The following DLGAP1 variants were observed in gnomAD, a reference collection of about 807,000 sequenced individuals.
DLGAP1 encodes the protein disks large-associated protein 1.
Under a neutral mutation model 90.8 loss-of-function variants are expected in DLGAP1, and 11 were observed. The ratio of observed to expected loss-of-function variants is 0.12; its 90% CI spans 0.08 to 0.20. The LOEUF is 0.20. DLGAP1 is among the 10% of genes least tolerant of loss of function. DLGAP1 has a pLI of 1.00. For missense variants in DLGAP1, 1,050 were observed against 1,333.8 expected (o/e 0.79, Z 3.31); for synonymous variants, 558 against 540.7 (o/e 1.03, Z -0.44).
At chr18:4,054,732 A>G (rs1319737296) in intron 2 of DLGAP1, among the ~76,000 whole-genome samples, 1 of 152,228 alleles carries the variant, frequency 6.6e-6, no homozygotes, top group African/African-American at 2.4e-5. Context: ...ATATTTGGTA[A>G]CATTTAAAGG....
intron 1 of DLGAP1, among the ~76,000 whole-genome samples, chr18:4,182,222 G>A (rs1258579543): frequency 6.6e-6 from 1 of 152,128 alleles, no homozygotes; most frequent in Non-Finnish European, 1.5e-5. Context: ...TGATTGGGCT[G>A]AAGGAATTAA....
At chr18:4,011,116 T>C (rs1025707941) in intron 2 of DLGAP1, among the ~76,000 whole-genome samples, 1 of 143,958 alleles carries the variant, frequency 6.9e-6, no homozygotes, top group African/African-American at 2.6e-5. Flanking sequence ...ATGGAGGTTG[T>C]AGTGAGCCGA....
chr18:4,186,513 C>G (rs528248196), intron 1 of DLGAP1, among the ~76,000 whole-genome samples: 1 of 152,144 alleles, frequency 6.6e-6, no homozygotes, highest in African/African-American at 2.4e-5. Flanking sequence ...GTTATCCCAA[C>G]GCCATTTGTT....
At chr18:3,951,195 C>A (rs995387674) in intron 3 of DLGAP1, among the ~76,000 whole-genome samples, 2 of 152,210 alleles carry the variant, frequency 1.3e-5, no homozygotes, top group African/African-American at 4.8e-5. Flanking sequence ...CTAACCAGAA[C>A]AAAATTAGCA....
At chr18:3,745,661 T>A (rs144343507) in intron 5 of DLGAP1, among the ~76,000 whole-genome samples, 1 of 152,324 alleles carries the variant, frequency 6.6e-6, no homozygotes, top group East Asian at 1.9e-4. Flanking sequence ...GAATGCCCTT[T>A]ATCTGATCTC....
chr18:4,425,433 G>A (rs2083131055), intron 1 of DLGAP1, among the ~76,000 whole-genome samples: 1 of 152,166 alleles, frequency 6.6e-6, no homozygotes, highest in Non-Finnish European at 1.5e-5. Flanking sequence ...GACTGGCGTA[G>A]TGGTACAGTC....
chr18:4,101,627 C>T (rs951173043), intron 2 of DLGAP1, among the ~76,000 whole-genome samples: 4 of 148,344 alleles, frequency 2.7e-5, no homozygotes, highest in Admixed American at 2.0e-4. Context: ...AAAAAAGTGA[C>T]GTGCAATAAA....
Position 4,265,653 on chromosome 18 carries a change from C to T in DLGAP1, c.-266-114366G>A, listed in dbSNP as rs2079108105. On this transcript the variant is annotated intron_variant, in intron 1 of 12. Transcript: ENST00000315677. The stretch of plus-strand genomic sequence containing the variant: ...TCCCTCCCTCCCCTTCCCTCCCTCC[C>T]TCCCTCCCTCCCTTCCTTCCTTCCT... 9.0e-5 allele frequency among the ~76,000 whole-genome samples: 5 copies of T among 55,422 alleles called. 1 individual carries two copies. The highest frequency in any genetic ancestry group is 1.5e-4 in the Non-Finnish European group (5 of 33,500). The allele number at this position is 55,422 out of a possible 152,430, so 36.4% of individuals were successfully genotyped here. A position where few individuals can be genotyped will look rare whatever the true frequency, so the allele number is the denominator to read the frequency against.
intron 7 of DLGAP1, among the ~76,000 whole-genome samples, chr18:3,648,076 A>G (rs893649900): frequency 6.6e-6 from 1 of 152,244 alleles, no homozygotes; most frequent in Non-Finnish European, 1.5e-5. Flanking sequence ...GAAACACTGT[A>G]CTCAGCAGAA....
intron 7 of DLGAP1, among the ~76,000 whole-genome samples, chr18:3,662,248 A>T (rs1444068870): frequency 6.6e-6 from 1 of 152,158 alleles, no homozygotes; most frequent in Non-Finnish European, 1.5e-5. Context: ...ACAAAACAAA[A>T]ATTGTTTTAA....
At chr18:4,366,550 T>C (rs2081771129) in intron 1 of DLGAP1, among the ~76,000 whole-genome samples, 1 of 151,624 alleles carries the variant, frequency 6.6e-6, no homozygotes, top group South Asian at 2.1e-4. Flanking sequence ...AGTATACCTG[T>C]GATATTAAAG....
chr18:4,244,452 C>G (rs1242840347), intron 1 of DLGAP1, among the ~76,000 whole-genome samples: 4 of 152,150 alleles, frequency 2.6e-5, no homozygotes, highest in African/African-American at 9.7e-5. Flanking sequence ...CTAATTTACA[C>G]AATTCACCTA....
chr18:4,219,036 T>G (rs552111064), intron 1 of DLGAP1, among the ~76,000 whole-genome samples: 5 of 145,724 alleles, frequency 3.4e-5, no homozygotes, highest in South Asian at 4.4e-4. Flanking sequence ...TGTTTTTTTT[T>G]TTTTTTTTTT....
intron 5 of DLGAP1, among the ~76,000 whole-genome samples, chr18:3,812,024 ATG>A (rs1182390623): frequency 1.3e-5 from 2 of 152,202 alleles, no homozygotes; most frequent in Non-Finnish European, 2.9e-5. Flanking sequence ...CACTCAGTGA[ATG>A]TGACCAATGC....
At chr18:3,681,600 A>T (rs1178220763) in intron 7 of DLGAP1, among the ~76,000 whole-genome samples, 1 of 152,200 alleles carries the variant, frequency 6.6e-6, no homozygotes, top group African/African-American at 2.4e-5. Flanking sequence ...ACATGAAATA[A>T]GTAACTTTCT....
intron 1 of DLGAP1, among the ~76,000 whole-genome samples, chr18:4,228,617 C>T (rs563986797): frequency 8.5e-5 from 13 of 152,060 alleles, no homozygotes; most frequent in Admixed American, 2.0e-4. Flanking sequence ...GCTGAAAAAT[C>T]ATTTGATAAA....
intron 2 of DLGAP1, among the ~76,000 whole-genome samples, chr18:4,126,456 C>A (rs4798175): frequency 0.2 from 29,658 of 152,036 alleles, 3,636 homozygotes; most frequent in African/African-American, 0.35. Context: ...AAATACTTGC[C>A]CAGCACATTT....
chr18:4,161,799 T>C (rs772387586), intron 1 of DLGAP1, among the ~76,000 whole-genome samples: 3 of 152,136 alleles, frequency 2.0e-5, no homozygotes, highest in Non-Finnish European at 4.4e-5. Flanking sequence ...AAGCAGAGAA[T>C]TACGTACCTT....
chr18:4,243,496 T>C (rs902926502), intron 1 of DLGAP1, among the ~76,000 whole-genome samples: 1 of 152,176 alleles, frequency 6.6e-6, no homozygotes, highest in African/African-American at 2.4e-5. Flanking sequence ...GCAAGAAGTA[T>C]TCTTCATCAA....
Sources: allele counts gnomAD v4.1 joint callset (sites outside exome capture counted in the v4.1 genomes callset), GRCh38; gene constraint gnomAD v4.1.1; transcripts MANE v1.5; gene names NCBI Gene and HGNC (gene_info 2026-07-23, HGNC 2026-07-21).